The following MERTK variants were observed in gnomAD, a reference collection of about 807,000 sequenced individuals.
The protein encoded by MERTK is MER proto-oncogene, tyrosine kinase.
MERTK carries 69 observed loss-of-function variants against 99.3 expected under a neutral mutation model. The ratio of observed to expected loss-of-function variants is 0.70; its 90% CI spans 0.57 to 0.85. The LOEUF (loss-of-function observed/expected upper bound fraction) is 0.85, where lower values mean the gene tolerates loss of function less well. Among genes scored for constraint, MERTK ranks in the 40% least tolerant of loss-of-function variants. MERTK has a pLI of 0.00. For synonymous variants in MERTK, 426 were observed against 467.6 expected (o/e 0.91, Z 1.15); for missense variants, 1,125 against 1,249.4 (o/e 0.90, Z 1.50).
At position 112,029,064 on chromosome 2, in the gene MERTK, A is replaced by G. The variant is rs980011160; in HGVS notation, c.*200A>G. The G allele has an allele frequency of 2.3e-6, 3 of 1,306,556 alleles. No individual in the cohort carries two copies. The Admixed American group carries it at 9.9e-5, about 43-fold the overall frequency. The allele number at this position is 1,306,556 out of a possible 1,614,324, so 80.9% of individuals were successfully genotyped here. A position where few individuals can be genotyped will look rare whatever the true frequency, so the allele number is the denominator to read the frequency against. ...ATTTAAAGAGAAAAAATATGTGTAT[A>G]TCATGGAAAAAGACAAGGATATTTT... On this transcript the variant is annotated 3_prime_UTR_variant, in exon 19 of 19. Transcript: ENST00000295408.
chr2:111,911,980 T>A (rs963592112), intron 1 of MERTK, among the ~76,000 whole-genome samples: 5 of 150,030 alleles, frequency 3.3e-5, no homozygotes, highest in Non-Finnish European at 7.4e-5. Flanking sequence ...TGAGCCACTG[T>A]GCCTGGCTTC....
intron 2 of MERTK, among the ~76,000 whole-genome samples, chr2:111,943,293 C>G (rs1433897866): frequency 6.6e-6 from 1 of 152,160 alleles, no homozygotes; most frequent in African/African-American, 2.4e-5. Flanking sequence ...TCTTCGTTCC[C>G]CTGGTCATGG....
rs552989276 is a variant in MERTK at position 111,900,227 on chromosome 2, C to G, written c.61+1431C>G. 2.0e-5 allele frequency among the ~76,000 whole-genome samples: 3 copies of G among 152,222 alleles called. No homozygotes were observed. In the South Asian group the frequency reaches 6.2e-4, roughly 32 times the overall value. On this transcript the variant is annotated intron_variant, in intron 1 of 18. Transcript: ENST00000295408. ...ATTTTCCTTTGAAAGCTCATTTACT[C>G]AAATGAAAAATTCTTAAACAGTGCA...
At chr2:111,984,384 A>T (rs1676429941) in intron 8 of MERTK, among the ~76,000 whole-genome samples, 1 of 152,172 alleles carries the variant, frequency 6.6e-6, no homozygotes, top group African/African-American at 2.4e-5. Flanking sequence ...TCACCCAGTC[A>T]AGTTGACACA....
At chr2:111,913,412 A>G (rs565704777) in intron 1 of MERTK, among the ~76,000 whole-genome samples, 1 of 152,310 alleles carries the variant, frequency 6.6e-6, no homozygotes, top group East Asian at 1.9e-4. Flanking sequence ...ATGGTATTGT[A>G]TTTTTAATTT....
intron 4 of MERTK, among the ~76,000 whole-genome samples, chr2:111,963,442 A>G (rs1478238926): frequency 1.3e-5 from 2 of 152,146 alleles, no homozygotes; most frequent in African/African-American, 4.8e-5. Context: ...ACGAGGCCAT[A>G]TTTCAGACTA....
intron 15 of MERTK, among the ~76,000 whole-genome samples, chr2:112,017,989 T>G (rs896209752): frequency 6.6e-6 from 1 of 152,134 alleles, no homozygotes; most frequent in Non-Finnish European, 1.5e-5. Flanking sequence ...CAGAGTTGGC[T>G]AGGTGGGTGC....
At chr2:111,984,763 C>T (rs753236808) in intron 8 of MERTK, among the ~76,000 whole-genome samples, 2 of 152,224 alleles carry the variant, frequency 1.3e-5, no homozygotes, top group Non-Finnish European at 2.9e-5. Flanking sequence ...ACCTTCTAAC[C>T]TGCCTTCTTT....
At chr2:111,964,617 A>G (rs1373205835) in intron 4 of MERTK, among the ~76,000 whole-genome samples, 2 of 152,132 alleles carry the variant, frequency 1.3e-5, no homozygotes, top group Non-Finnish European at 2.9e-5. Flanking sequence ...ATGTCTTCAA[A>G]CCTCTGAAAT....
In MERTK at chr2:112,028,870, G is replaced by T; in HGVS notation, c.*6G>T. Reference sequence around the variant, plus strand: ...GCTCAGAAGTCCTGATGTGAGGAGAGGTGCGGGGAGACATTCCAAAAATCA... The same window carrying T: ...GCTCAGAAGTCCTGATGTGAGGAGATGTGCGGGGAGACATTCCAAAAATCA... On this transcript the variant is annotated 3_prime_UTR_variant, in exon 19 of 19. Coordinates refer to ENST00000295408, the MANE Select transcript of MERTK (RefSeq NM_006343.3). The T allele has an allele frequency of 6.2e-7, 1 of 1,613,630 alleles. No individual in the cohort carries two copies. The highest frequency in any genetic ancestry group is 8.5e-7 in the Non-Finnish European group (1 of 1,180,026).
At chr2:111,948,782 C>T (rs1000164764) in intron 4 of MERTK, among the ~76,000 whole-genome samples, 3 of 152,088 alleles carry the variant, frequency 2.0e-5, no homozygotes, top group Admixed American at 6.6e-5. Context: ...GGCCTTTTTG[C>T]TCCCAGCCTT....
chr2:112,023,900 G>GAC (rs376156222), intron 18 of MERTK, among the ~76,000 whole-genome samples: 3 of 151,480 alleles, frequency 2.0e-5, no homozygotes, highest in South Asian at 2.1e-4. Flanking sequence ...CACACACACA[G>GAC]ACACACACAC....
intron 18 of MERTK, among the ~76,000 whole-genome samples, chr2:112,024,318 A>G (rs1371151171): frequency 6.6e-6 from 1 of 152,226 alleles, no homozygotes; most frequent in East Asian, 1.9e-4. Context: ...GCAGGGTCTA[A>G]GCTGTGTCAC....
intron 8 of MERTK, among the ~76,000 whole-genome samples, chr2:111,993,776 T>C (rs1573626582): frequency 1.3e-5 from 2 of 151,916 alleles, no homozygotes; most frequent in African/African-American, 2.4e-5. Context: ...AAAGTGTCAG[T>C]GCCCTCTTCC....
chr2:111,909,287 C>T (rs988751419), intron 1 of MERTK, among the ~76,000 whole-genome samples: 88 of 152,160 alleles, frequency 5.8e-4, no homozygotes, highest in African/African-American at 1.9e-3. Context: ...CTAATAGAGC[C>T]GGTGCCCTCA....
At chr2:111,929,564 T>C (rs138226978) in intron 2 of MERTK, 24 bp downstream of exon 2, 2 of 1,492,162 alleles carry the variant, frequency 1.3e-6, no homozygotes, top group African/African-American at 3.0e-5. Context: ...CTTCCTTTTT[T>C]ATTTTTTTAG....
chr2:112,026,022 T>TA lies in MERTK; in HGVS notation c.2487-2324dup, dbSNP rs966725582. 3 of 153,002 alleles carry TA rather than the reference T, an allele frequency of 2.0e-5. No homozygotes were observed. In the Admixed American group the frequency reaches 2.0e-4, roughly 10 times the overall value. 9.5% of individuals were successfully genotyped at this position (153,002 alleles called of 1,614,324 possible). On this transcript the variant is annotated intron_variant, in intron 18 of 18. Coordinates refer to ENST00000295408, the MANE Select transcript of MERTK (RefSeq NM_006343.3). Reference sequence around the variant, plus strand: ...CTTTTATAAAATCTCAGCAGAAAAATAAAAATGACCATTTACAAAAGCAAT... The same window carrying TA: ...CTTTTATAAAATCTCAGCAGAAAAATAAAAAATGACCATTTACAAAAGCAAT...
At chr2:112,015,824 AATTCTG>A (rs1334643352) in intron 15 of MERTK, 1 of 154,304 alleles carries the variant, frequency 6.5e-6, no homozygotes, top group African/African-American at 2.4e-5. Context: ...GTATATGACC[AATTCTG>A]AGTTATTTTT....
chr2:111,966,886 CCTT>C (rs1251286281), intron 5 of MERTK, among the ~76,000 whole-genome samples: 2 of 152,186 alleles, frequency 1.3e-5, no homozygotes, highest in African/African-American at 2.4e-5. Flanking sequence ...ACACCTTCCT[CCTT>C]CTCTCCTGCT....
Sources: allele counts gnomAD v4.1 joint callset (sites outside exome capture counted in the v4.1 genomes callset), GRCh38; gene constraint gnomAD v4.1.1; transcripts MANE v1.5; gene names NCBI Gene and HGNC (gene_info 2026-07-23, HGNC 2026-07-21).